ADAMTS16: variants seen among roughly 807,000 people sequenced by gnomAD.
ADAMTS16 encodes the protein ADAM metallopeptidase with thrombospondin type 1 motif 16, also known as A disintegrin and metalloproteinase with thrombospondin motifs 16.
A neutral mutation model predicts 145.8 loss-of-function variants in ADAMTS16; 94 were observed. The ratio of observed to expected loss-of-function variants is 0.64; its 90% CI spans 0.55 to 0.77. The LOEUF is 0.77. Ranked by LOEUF, ADAMTS16 falls within the 30% of genes least tolerant of loss-of-function variation. ADAMTS16 has a pLI of 0.00. For synonymous variants in ADAMTS16, 659 were observed against 604.3 expected (o/e 1.09, Z -1.33); for missense variants, 1,585 against 1,591.5 (o/e 1.00, Z 0.07).
intron 20 of ADAMTS16, among the ~76,000 whole-genome samples, chr5:5,304,237 T>C (rs1739924983): frequency 6.6e-6 from 1 of 152,132 alleles, no homozygotes; most frequent in African/African-American, 2.4e-5. Flanking sequence ...GAAAGGAAAC[T>C]CTCCTGTTAG....
intron 11 of ADAMTS16, among the ~76,000 whole-genome samples, chr5:5,226,749 T>G (rs1736777530): frequency 1.3e-5 from 2 of 152,186 alleles, no homozygotes; most frequent in African/African-American, 2.4e-5. Context: ...GGTGGTAACA[T>G]AGACTGATAT....
At chr5:5,194,794 G>T (rs1735756356) in intron 8 of ADAMTS16, among the ~76,000 whole-genome samples, 1 of 152,308 alleles carries the variant, frequency 6.6e-6, no homozygotes, top group South Asian at 2.1e-4. Flanking sequence ...GCTCCAAGCA[G>T]AGTCAAATTT....
Position 5,200,162 on chromosome 5 carries a change from CAT to C in ADAMTS16, c.1345_1346del (p.Met449ValfsTer44), listed in dbSNP as rs1735917233. On this transcript the variant is annotated frameshift_variant, in exon 9 of 23. Coordinates refer to ENST00000274181, the MANE Select transcript of ADAMTS16 (RefSeq NM_139056.4). LOFTEE classifies it high-confidence loss of function. ...FGMIHDGEGN[M>X]CKKSEGNIMS... ...GCATGATTCATGATGGAGAAGGGAA[CAT>C]GTGCAAAAAGTCCGAGGGCAACATC... 6.2e-7 allele frequency: 1 copy of C among 1,613,354 alleles called. No individual in the cohort carries two copies. The highest frequency in any genetic ancestry group is 2.2e-5 in the East Asian group (1 of 44,860).
intron 17 of ADAMTS16, among the ~76,000 whole-genome samples, chr5:5,243,166 A>G (rs1737347455): frequency 6.6e-6 from 1 of 152,264 alleles, no homozygotes; most frequent in Admixed American, 6.5e-5. Context: ...AAAAGTTTAA[A>G]TAGTCCTAAA....
chr5:5,164,206 A>G (rs1279563358), intron 3 of ADAMTS16, among the ~76,000 whole-genome samples: 2 of 152,326 alleles, frequency 1.3e-5, no homozygotes, highest in East Asian at 3.9e-4. Context: ...CTGGGAACCC[A>G]CAAGTGAAAA....
chr5:5,197,758 A>C (rs1005744072), intron 8 of ADAMTS16, among the ~76,000 whole-genome samples: 13 of 152,318 alleles, frequency 8.5e-5, no homozygotes, highest in Admixed American at 2.6e-4. Flanking sequence ...ACTGTGTGCT[A>C]CTTTTTTATG....
At chr5:5,191,522 A>G (rs1735662441) in intron 7 of ADAMTS16, among the ~76,000 whole-genome samples, 163 bp from the exon 8 acceptor site, 1 of 151,898 alleles carries the variant, frequency 6.6e-6, no homozygotes, top group African/African-American at 2.4e-5. Context: ...CCCTTCCCCT[A>G]CCTTATCAAG....
At position 5,303,310 on chromosome 5, in the gene ADAMTS16, C is replaced by G. The variant is rs562142561; in HGVS notation, c.2832C>G (p.Gly944=). The G allele has an allele frequency of 6.3e-7, 1 of 1,595,034 alleles. No individual in the cohort carries two copies. Among genetic ancestry groups the G allele is most frequent in the South Asian group, 1.1e-5 (1 of 88,796 alleles). The change falls in exon 19 of 23, where the codon GGC becomes GGG. Residue 944 remains glycine, a synonymous_variant. Coordinates refer to ENST00000274181, the MANE Select transcript of ADAMTS16 (RefSeq NM_139056.4). Reference sequence around the variant, plus strand: ...GGAGTGCCTGCAGTCGGACGTGTGGCGGGGGTGCCCAGAGCCGCCCCGTGC... The same window carrying G: ...GGAGTGCCTGCAGTCGGACGTGTGGGGGGGGTGCCCAGAGCCGCCCCGTGC... ...GNWSACSRTC[G]GGAQSRPVQC... is the part of the protein sequence containing the mutation.
intron 21 of ADAMTS16, among the ~76,000 whole-genome samples, chr5:5,311,734 GGTT>G (rs1478490622): frequency 6.7e-6 from 1 of 149,088 alleles, no homozygotes; most frequent in African/African-American, 2.5e-5. Context: ...TGTTTTTTTT[GGTT>G]GTTTTTTTTT....
At position 5,186,121 on chromosome 5, in the gene ADAMTS16, A is replaced by G; in HGVS notation, c.833A>G (p.Lys278Arg). The change falls in exon 5 of 23, where the codon AAG (lysine) becomes AGG (arginine). Residue 278 changes from lysine (K) to arginine (R), a missense_variant. By Grantham distance (26) the Lys-to-Arg change is conservative (BLOSUM62 2). Transcript: ENST00000274181. ...PDEYKSCLRH[K>R]RSLLRSHRNE... ...GAGTATAAGTCTTGCTTACGGCATA[A>G]GCGCTCTCTTCTGAGGTCCCATAGA... 1.2e-6 allele frequency: 2 copies of G among 1,614,168 alleles called. No homozygotes were observed. The highest frequency in any genetic ancestry group is 1.7e-6 in the Non-Finnish European group (2 of 1,180,036).
At chr5:5,231,922 A>G (rs1439170451) in intron 11 of ADAMTS16, among the ~76,000 whole-genome samples, 1 of 152,088 alleles carries the variant, frequency 6.6e-6, no homozygotes. Flanking sequence ...TGGGCCTGAA[A>G]TGACAAGGTG....
At chr5:5,235,466 AG>A (rs1737078842) in intron 13 of ADAMTS16, among the ~76,000 whole-genome samples, 1 of 74,230 alleles carries the variant, frequency 1.3e-5, no homozygotes. Flanking sequence ...AAAAACACAA[AG>A]TAGATCCTGC....
At chr5:5,193,393 G>C (rs59348371) in intron 8 of ADAMTS16, among the ~76,000 whole-genome samples, 1 of 152,120 alleles carries the variant, frequency 6.6e-6, no homozygotes, top group African/African-American at 2.4e-5. Context: ...TTGAATCATA[G>C]TTGTATTTTT....
chr5:5,303,152 G>T (rs11949096), intron 18 of ADAMTS16, 116 bp from the exon 19 acceptor site: 731,801 of 1,129,664 alleles, frequency 0.65, 238,575 homozygotes, highest in Non-Finnish European at 0.66. Context: ...TGAAAATAAC[G>T]GCACACACAC....
chr5:5,232,305 T>C (rs1736951157), intron 11 of ADAMTS16, 63 bp from the exon 12 acceptor site: 2 of 1,584,372 alleles, frequency 1.3e-6, no homozygotes, highest in Non-Finnish European at 1.7e-6. Context: ...ATAGCAGTGA[T>C]GAGATGAACC....
chr5:5,232,400 T>C lies in ADAMTS16; in HGVS notation c.1734T>C (p.Gly578=). The C allele has an allele frequency of 1.2e-6, 2 of 1,613,944 alleles. No homozygotes were observed. Among genetic ancestry groups the C allele is most frequent in the Non-Finnish European group, 8.5e-7 (1 of 1,179,986 alleles). The change falls in exon 12 of 23, where the codon GGT becomes GGC. Residue 578 remains glycine, a synonymous_variant. Coordinates refer to ENST00000274181, the MANE Select transcript of ADAMTS16 (RefSeq NM_139056.4). ...GGGGAGGACAGTGTGTGAAATATGG[T>C]GATGAAGGCCCCAAGCCCACCCATG... ...WCRGGQCVKY[G]DEGPKPTHGH...
rs2126522882 is a variant in ADAMTS16 at position 5,306,869 on chromosome 5, T to C, written c.3411+141T>C. The C allele has an allele frequency of 8.0e-6, 7 of 870,860 alleles. No individual in the cohort carries two copies. The South Asian group carries it at 1.3e-4, about 16-fold the overall frequency. The allele number at this position is 870,860 out of a possible 1,614,324, so 53.9% of individuals were successfully genotyped here. ...TGCATGAGGTTTTCTTTCCAGAGCA[T>C]GTGCGGGTGGCCTGGTTCCTGGGTG... On this transcript the variant is annotated intron_variant, in intron 21 of 22. Coordinates refer to ENST00000274181, the MANE Select transcript of ADAMTS16 (RefSeq NM_139056.4).
chr5:5,262,723 A>G lies in ADAMTS16; in HGVS notation c.2729A>G (p.Asn910Ser), dbSNP rs201424165. 184 of 1,614,230 alleles carry G rather than the reference A, an allele frequency of 1.1e-4. No homozygotes were observed. The African/African-American group carries it at 2.3e-3, about 20-fold the overall frequency. Residue 910 changes from asparagine (N) to serine (S), a missense_variant, in exon 18 of 23, where the codon AAT (asparagine) becomes AGT (serine). Asn to Ser is a conservative substitution (Grantham distance 46, BLOSUM62 1). Around this residue, in one of 3 missense-constraint regions of ADAMTS16, gnomAD observed 834 missense variants for 811.7 expected, o/e 1.03. Transcript: ENST00000274181. ...LKFQVNMSFC[N>S]PKTRPVTGLV... ...TTTCAAGTAAATATGTCCTTCTGCA[A>G]TCCCAAGACACGACCTGTCACGGGG...
intron 8 of ADAMTS16, 129 bp downstream of exon 8, chr5:5,191,919 A>C: frequency 3.0e-6 from 2 of 660,322 alleles, no homozygotes; most frequent in Non-Finnish European, 5.2e-6. Context: ...AATGCCATTG[A>C]CAGTTATAAA....
Sources: allele counts gnomAD v4.1 joint callset (sites outside exome capture counted in the v4.1 genomes callset), GRCh38; gene constraint gnomAD v4.1.1; regional missense constraint gnomAD v4.1.1; transcripts MANE v1.5; gene names NCBI Gene and HGNC (gene_info 2026-07-23, HGNC 2026-07-21).